Variants in HS3ST4 observed in about 807,000 individuals in gnomAD.
HS3ST4 encodes the protein heparan sulfate glucosamine 3-O-sulfotransferase 4.
Under a neutral mutation model 29.2 loss-of-function variants are expected in HS3ST4, and 17 were observed. That is an observed-to-expected ratio of 0.58 (90% CI 0.40 to 0.87). HS3ST4 has a LOEUF of 0.87. HS3ST4 is among the 40% of genes least tolerant of loss of function. HS3ST4 has a pLI of 0.00. For synonymous variants in HS3ST4, 314 were observed against 285.7 expected, an observed-to-expected ratio of 1.10 and a Z score of -1.00; for missense variants, 627 against 634.5, an observed-to-expected ratio of 0.99 and a Z score of 0.13.
At chr16:25,841,298 C>T (rs1035024467) in intron 1 of HS3ST4, among the ~76,000 whole-genome samples, 6 of 151,666 alleles carry the variant, frequency 4.0e-5, no homozygotes, top group Non-Finnish European at 7.4e-5. Context: ...AGCCACCACG[C>T]CCGGCCACTT....
At chr16:26,041,576 C>T (rs980272491) in intron 1 of HS3ST4, among the ~76,000 whole-genome samples, 14 of 151,734 alleles carry the variant, frequency 9.2e-5, no homozygotes, top group African/African-American at 2.7e-4. Context: ...ATCAGAAGTA[C>T]GGAAACTTTT....
At chr16:26,082,899 A>G (rs11074746) in intron 1 of HS3ST4, among the ~76,000 whole-genome samples, 68,649 of 152,144 alleles carry the variant, frequency 0.45, 15,823 homozygotes, top group Middle Eastern at 0.56. Flanking sequence ...ACACTGAGGT[A>G]TGAGGATTGG....
At chr16:26,004,205 G>A (rs950563956) in intron 1 of HS3ST4, among the ~76,000 whole-genome samples, 6 of 152,102 alleles carry the variant, frequency 3.9e-5, no homozygotes, top group Non-Finnish European at 7.3e-5. Flanking sequence ...TAATATTCTC[G>A]AGTATAACAG....
chr16:26,124,749 A>G (rs761757091), intron 1 of HS3ST4, among the ~76,000 whole-genome samples: 1 of 152,228 alleles, frequency 6.6e-6, no homozygotes, highest in Admixed American at 6.5e-5. Context: ...TTATGTGTGA[A>G]CAGCTCTTGA....
chr16:25,710,406 C>G (rs1330202908), intron 1 of HS3ST4, among the ~76,000 whole-genome samples: 4 of 107,060 alleles, frequency 3.7e-5, no homozygotes, highest in Admixed American at 1.0e-4. Context: ...GATTAGGTCC[C>G]GGTCAATTTC....
intron 1 of HS3ST4, among the ~76,000 whole-genome samples, chr16:25,743,190 G>C (rs4787752): frequency 0.92 from 139,802 of 152,204 alleles, 64,240 homozygotes; most frequent in East Asian, 1. Flanking sequence ...GACTGTGTGG[G>C]CTCCGAGGAC....
intron 1 of HS3ST4, among the ~76,000 whole-genome samples, chr16:26,094,478 G>T (rs6497920): frequency 0.54 from 81,803 of 152,004 alleles, 22,769 homozygotes; most frequent in African/African-American, 0.67. Flanking sequence ...ATAAAGGAAA[G>T]AATTTTCAAC....
At chr16:25,934,737 A>G (rs909599980) in intron 1 of HS3ST4, among the ~76,000 whole-genome samples, 4 of 152,160 alleles carry the variant, frequency 2.6e-5, no homozygotes, top group African/African-American at 9.6e-5. Flanking sequence ...GGTTGCTGTG[A>G]TTTGGTAACA....
chr16:25,816,008 AT>A (rs1419822339), intron 1 of HS3ST4, among the ~76,000 whole-genome samples: 14 of 152,238 alleles, frequency 9.2e-5, no homozygotes, highest in African/African-American at 3.4e-4. Context: ...CAAAATAATG[AT>A]CTAATTGGAA....
chr16:25,806,593 C>T (rs972636097), intron 1 of HS3ST4, among the ~76,000 whole-genome samples: 6 of 152,104 alleles, frequency 3.9e-5, no homozygotes, highest in Non-Finnish European at 5.9e-5. Context: ...GTGGAGTCTT[C>T]TTTTGCTCAT....
intron 1 of HS3ST4, among the ~76,000 whole-genome samples, chr16:26,031,130 G>T (rs1391665349): frequency 6.6e-6 from 1 of 152,172 alleles, no homozygotes; most frequent in East Asian, 1.9e-4. Flanking sequence ...AGGTAGCTGT[G>T]GGTCCAGCCA....
intron 1 of HS3ST4, among the ~76,000 whole-genome samples, chr16:25,783,034 G>A (rs1966854079): frequency 6.6e-6 from 1 of 151,868 alleles, no homozygotes; most frequent in Non-Finnish European, 1.5e-5. Flanking sequence ...CCCTCATTTT[G>A]TTGCTTTCTT....
intron 1 of HS3ST4, among the ~76,000 whole-genome samples, chr16:26,079,858 A>G (rs1898705089): frequency 6.6e-6 from 1 of 152,206 alleles, no homozygotes; most frequent in African/African-American, 2.4e-5. Flanking sequence ...GGAGGAAGTC[A>G]ATGTAAACAT....
At chr16:25,700,693 A>G (rs984939627) in intron 1 of HS3ST4, among the ~76,000 whole-genome samples, 1 of 152,064 alleles carries the variant, frequency 6.6e-6, no homozygotes, top group African/African-American at 2.4e-5. Flanking sequence ...CGTTCAAGTA[A>G]TCTCCTGATT....
At chr16:25,957,993 GGT>G (rs1968754334) in intron 1 of HS3ST4, among the ~76,000 whole-genome samples, 1 of 152,108 alleles carries the variant, frequency 6.6e-6, no homozygotes, top group Non-Finnish European at 1.5e-5. Flanking sequence ...GGTTGTTTCA[GGT>G]GTGTGTGCTA....
chr16:25,973,746 G>GTCCAATGTCTAAAT (rs1968917950), intron 1 of HS3ST4, among the ~76,000 whole-genome samples: 1 of 152,116 alleles, frequency 6.6e-6, no homozygotes, highest in Non-Finnish European at 1.5e-5. Context: ...ATTAATTCGG[G>GTCCAATGTCTAAAT]ACTTTTAAAG....
At chr16:25,767,305 C>G (rs1295485871) in intron 1 of HS3ST4, among the ~76,000 whole-genome samples, 2 of 152,162 alleles carry the variant, frequency 1.3e-5, no homozygotes, top group African/African-American at 2.4e-5. Flanking sequence ...GAGTTTCCTC[C>G]TTTCTTCTTG....
chr16:26,117,687 A>T (rs896628800), intron 1 of HS3ST4, among the ~76,000 whole-genome samples: 1 of 152,340 alleles, frequency 6.6e-6, no homozygotes, highest in East Asian at 1.9e-4. Flanking sequence ...CCGGAGCCCA[A>T]GCCCTGCTTA....
intron 1 of HS3ST4, among the ~76,000 whole-genome samples, chr16:25,904,594 A>G (rs1385664369): frequency 6.6e-5 from 10 of 152,212 alleles, no homozygotes; most frequent in Non-Finnish European, 1.5e-4. Context: ...TCCAAGGGCA[A>G]TGAAAGTCAT....
Sources: allele counts gnomAD v4.1 joint callset (sites outside exome capture counted in the v4.1 genomes callset), GRCh38; gene constraint gnomAD v4.1.1; transcripts MANE v1.5; gene names NCBI Gene and HGNC (gene_info 2026-07-23, HGNC 2026-07-21).